MPP7: variants seen among roughly 807,000 people sequenced by gnomAD.
MPP7 encodes the protein MAGUK p55 subfamily member 7.
Under a neutral mutation model 76.5 loss-of-function variants are expected in MPP7, and 60 were observed. That is an observed-to-expected ratio of 0.78 (90% CI 0.64 to 0.97). MPP7 has a LOEUF of 0.97. MPP7 is among the 50% of genes least tolerant of loss of function. MPP7 has a pLI of 0.00. For missense variants in MPP7, 641 were observed against 694.0 expected, an observed-to-expected ratio of 0.92 and a Z score of 0.86; for synonymous variants, 237 against 244.5, an observed-to-expected ratio of 0.97 and a Z score of 0.29.
chr10:28,074,499 T>C lies in MPP7; in HGVS notation c.1124-4647A>G, dbSNP rs190813197. Among the ~76,000 whole-genome samples, 99 of 152,278 alleles carry C rather than the reference T, an allele frequency of 6.5e-4. No homozygotes were observed. The East Asian group carries it at 0.017, about 26-fold the overall frequency. On this transcript the variant is annotated intron_variant, in intron 12 of 16. Transcript: ENST00000683449. The stretch of plus-strand genomic sequence containing the variant: ...TTTTAGTAGAGGCAGGGTTTCGCAA[T>C]GTTGGCCAGCTGGTCTCAAACTCCT...
At chr10:28,149,852 T>C (rs1037958613) in intron 4 of MPP7, 130 bp downstream of exon 4, 7 of 550,048 alleles carry the variant, frequency 1.3e-5, no homozygotes, top group African/African-American at 9.6e-5. Flanking sequence ...GACAGGACTT[T>C]TGGAAACATT....
intron 1 of MPP7, among the ~76,000 whole-genome samples, chr10:28,276,665 G>C (rs1840507339): frequency 6.6e-6 from 1 of 152,092 alleles, no homozygotes; most frequent in Non-Finnish European, 1.5e-5. Flanking sequence ...AGGAGCGCAA[G>C]TCATGCACAC....
chr10:28,197,336 C>T (rs1279182639), intron 3 of MPP7, among the ~76,000 whole-genome samples: 3 of 152,056 alleles, frequency 2.0e-5, no homozygotes, highest in African/African-American at 4.8e-5. Context: ...GAATGTGCCA[C>T]CATGCCTGGC....
chr10:28,101,617 T>C (rs1043642962), intron 11 of MPP7, among the ~76,000 whole-genome samples: 7 of 152,210 alleles, frequency 4.6e-5, no homozygotes, highest in African/African-American at 7.2e-5. Context: ...AAGGGAAAAG[T>C]AGAGAAAGAG....
At chr10:28,297,525 C>T (rs1436271726) in intron 1 of MPP7, among the ~76,000 whole-genome samples, 1 of 152,120 alleles carries the variant, frequency 6.6e-6, no homozygotes, top group Admixed American at 6.5e-5. Flanking sequence ...AGAGTGAAAC[C>T]CCATCTCTAC....
intron 11 of MPP7, among the ~76,000 whole-genome samples, chr10:28,109,327 C>T (rs1834422935): frequency 6.6e-6 from 1 of 151,808 alleles, no homozygotes; most frequent in South Asian, 2.1e-4. Context: ...AGAAAGTTGT[C>T]GGGAAGAAAA....
At chr10:28,075,348 C>T (rs1193312492) in intron 12 of MPP7, among the ~76,000 whole-genome samples, 2 of 152,070 alleles carry the variant, frequency 1.3e-5, no homozygotes, top group Non-Finnish European at 2.9e-5. Flanking sequence ...CATACCCACA[C>T]CTGAACCACA....
At position 28,215,726 on chromosome 10, in the gene MPP7, C is replaced by T. The variant is rs149892759; in HGVS notation, c.38-13455G>A. 6.7e-3 allele frequency among the ~76,000 whole-genome samples: 1,020 copies of T among 152,202 alleles called. 5 individuals carry two copies. Among genetic ancestry groups the T allele is most frequent in the Admixed American group, 0.011 (174 of 15,288 alleles). On this transcript the variant is annotated intron_variant, in intron 2 of 16. Transcript: ENST00000683449. ...CATATTGGTAAACATCTCTGTGTAT[C>T]CATTGTTTATTGTGTAAAACAGGTA...
chr10:28,225,375 G>T (rs1838655442), intron 2 of MPP7, among the ~76,000 whole-genome samples: 1 of 152,068 alleles, frequency 6.6e-6, no homozygotes, highest in Non-Finnish European at 1.5e-5. Flanking sequence ...ATCAAAAAAA[G>T]TGAAAAGACA....
At chr10:28,175,951 C>G (rs143796136) in intron 3 of MPP7, among the ~76,000 whole-genome samples, 17 of 152,186 alleles carry the variant, frequency 1.1e-4, no homozygotes, top group South Asian at 1.0e-3. Flanking sequence ...TTTTTAGAAT[C>G]TAGCAATGCA....
chr10:28,172,999 C>T (rs1021891076), intron 3 of MPP7, among the ~76,000 whole-genome samples: 1 of 152,130 alleles, frequency 6.6e-6, no homozygotes. Flanking sequence ...AATACCAAGA[C>T]TTTCACCCTA....
chr10:28,096,139 T>A (rs190306433), intron 11 of MPP7, among the ~76,000 whole-genome samples: 1 of 152,328 alleles, frequency 6.6e-6, no homozygotes, highest in East Asian at 1.9e-4. Flanking sequence ...GTTATTTGCT[T>A]CTTAGTTCAA....
At chr10:28,067,402 G>C (rs185864593) in intron 13 of MPP7, among the ~76,000 whole-genome samples, 3 of 151,250 alleles carry the variant, frequency 2.0e-5, no homozygotes, top group African/African-American at 7.4e-5. Context: ...GGTTTGATGC[G>C]GTATTTTCCA....
chr10:28,305,197 A>G (rs1375562048), upstream of MPP7, among the ~76,000 whole-genome samples: 1 of 152,222 alleles, frequency 6.6e-6, no homozygotes, highest in East Asian at 1.9e-4. Flanking sequence ...AGTAGGAAGA[A>G]AAGTGATGTA....
intron 3 of MPP7, among the ~76,000 whole-genome samples, chr10:28,179,183 A>T (rs181787601): frequency 1.1e-3 from 166 of 152,278 alleles, no homozygotes; most frequent in African/African-American, 3.7e-3. Flanking sequence ...CAACACACTC[A>T]CACTGGTTAA....
rs183680334 is a variant in MPP7 at position 28,212,405 on chromosome 10, G to A, written c.38-10134C>T. ...CATAACTCCAACAGTTTTTGAAGTT[G>A]CCATCACCTATAATGGGGAAGTTCA... On this transcript the variant is annotated intron_variant, in intron 2 of 16. Coordinates refer to ENST00000683449, the MANE Select transcript of MPP7 (RefSeq NM_001318170.2). 2.5e-4 allele frequency among the ~76,000 whole-genome samples: 38 copies of A among 152,286 alleles called. No individual in the cohort carries two copies. In the East Asian group the frequency reaches 5.8e-3, roughly 23 times the overall value.
At chr10:28,122,617 C>T (rs1023974700) in intron 8 of MPP7, among the ~76,000 whole-genome samples, 3 of 152,164 alleles carry the variant, frequency 2.0e-5, no homozygotes, top group African/African-American at 7.2e-5. Flanking sequence ...GGGATCAAGC[C>T]TGCCCTGGGC....
At chr10:28,231,525 C>G (rs997792076) in intron 2 of MPP7, among the ~76,000 whole-genome samples, 2 of 148,762 alleles carry the variant, frequency 1.3e-5, no homozygotes, top group African/African-American at 5.0e-5. Context: ...GAAGAGAGTG[C>G]GAAAATTACC....
chr10:28,281,157 G>A (rs565756413), intron 1 of MPP7, among the ~76,000 whole-genome samples: 1 of 151,906 alleles, frequency 6.6e-6, no homozygotes, highest in East Asian at 1.9e-4. Flanking sequence ...TCTGCTCACT[G>A]CAACCTCTGC....
Sources: gnomAD v4.1 joint callset for allele counts (sites outside exome capture counted in the v4.1 genomes callset) on GRCh38, gnomAD v4.1.1 for gene constraint, MANE v1.5 for transcripts, NCBI Gene and HGNC (gene_info 2026-07-23, HGNC 2026-07-21) for gene names.